Variants in TRPC5 observed in about 807,000 individuals in gnomAD.
TRPC5 encodes the protein short transient receptor potential channel 5.
Under a neutral mutation model 56.5 loss-of-function variants are expected in TRPC5, and 9 were observed. That is an observed-to-expected ratio of 0.16 (90% confidence interval 0.10 to 0.28). The LOEUF (loss-of-function observed/expected upper bound fraction) is 0.28, where lower values mean the gene tolerates loss of function less well. Among genes scored for constraint, TRPC5 ranks in the 10% least tolerant of loss-of-function variants. TRPC5 has a pLI of 1.00. For missense variants in TRPC5, 469 were observed against 748.9 expected (o/e 0.63, Z 4.36); for synonymous variants, 282 against 278.5 (o/e 1.01, Z -0.13).
chrX:111,790,495 A>G (rs968839395), intron 7 of TRPC5, among the ~76,000 whole-genome samples: 1 of 111,484 alleles, frequency 9.0e-6, no homozygotes, highest in Admixed American at 9.5e-5. Context: ...CCAACATGAC[A>G]CATGTATACC....
At chrX:111,885,815 C>T (rs942270104) in intron 3 of TRPC5, among the ~76,000 whole-genome samples, 4 of 111,117 alleles carry the variant, frequency 3.6e-5, no homozygotes, top group Non-Finnish European at 7.5e-5. Context: ...GGGCATCTCC[C>T]CATAATTAAA....
intron 2 of TRPC5, among the ~76,000 whole-genome samples, chrX:111,934,046 G>A (rs1231163066): frequency 1.3e-4 from 14 of 109,888 alleles, no homozygotes; most frequent in Admixed American, 2.9e-4. Context: ...CAGATGTATC[G>A]TTTACAAATA....
intron 1 of TRPC5, among the ~76,000 whole-genome samples, chrX:111,965,165 G>C (rs1287937993): frequency 9.0e-6 from 1 of 110,814 alleles, no homozygotes; most frequent in Non-Finnish European, 1.9e-5. Context: ...AAAAGGCAGG[G>C]GTTGCAATCC....
chrX:112,009,834 C>A lies in TRPC5; in HGVS notation c.-21-57393G>T, dbSNP rs769554770. Among the ~76,000 whole-genome samples, 376 of 109,928 alleles carry A rather than the reference C, an allele frequency of 3.4e-3. 3 individuals carry two copies. The highest frequency in any genetic ancestry group is 0.012 in the African/African-American group (365 of 30,256). ...ACACAGGAAGGGGAGCATCACACAC[C>A]GGGGCCTGTTGTGGGGTGGGTGGAG... is the stretch of plus-strand genomic sequence containing the variant. On this transcript the variant is annotated intron_variant, in intron 1 of 10. Coordinates refer to ENST00000262839, the MANE Select transcript of TRPC5 (RefSeq NM_012471.3).
chrX:111,851,193 T>C (rs1394785705), intron 5 of TRPC5, among the ~76,000 whole-genome samples: 2 of 112,540 alleles, frequency 1.8e-5, no homozygotes, highest in Admixed American at 9.5e-5. Context: ...TTAAAATTTA[T>C]GCAATATGCA....
At chrX:111,890,712 A>T (rs754516101) in intron 3 of TRPC5, among the ~76,000 whole-genome samples, 1 of 112,212 alleles carries the variant, frequency 8.9e-6, no homozygotes. Context: ...AAAATTAAAT[A>T]AAAAATTTTA....
chrX:111,841,008 T>G (rs756360863), intron 6 of TRPC5, among the ~76,000 whole-genome samples: 1 of 111,788 alleles, frequency 8.9e-6, no homozygotes, highest in East Asian at 2.8e-4. Context: ...CCTGTGATAA[T>G]AGCATCAGGA....
At chrX:112,078,070 G>C (rs1051533262) in intron 1 of TRPC5, among the ~76,000 whole-genome samples, 1 of 111,765 alleles carries the variant, frequency 8.9e-6, no homozygotes, top group Non-Finnish European at 1.9e-5. Flanking sequence ...ATTTCTAGAT[G>C]CCTTGCTGTT....
intron 7 of TRPC5, among the ~76,000 whole-genome samples, chrX:111,806,863 T>TTA (rs1457597496): frequency 9.0e-6 from 1 of 111,451 alleles, no homozygotes; most frequent in African/African-American, 3.3e-5. Flanking sequence ...TAAAAGTTTT[T>TTA]TCCTTCAGCA....
At chrX:111,982,192 C>T (rs1928101217) in intron 1 of TRPC5, among the ~76,000 whole-genome samples, 1 of 112,034 alleles carries the variant, frequency 8.9e-6, no homozygotes, top group Non-Finnish European at 1.9e-5. Context: ...ATAAATTACC[C>T]AGTCTCAGGT....
intron 3 of TRPC5, chrX:111,901,779 T>C: frequency 2.3e-6 from 2 of 856,997 alleles, no homozygotes; most frequent in African/African-American, 2.0e-5. Flanking sequence ...CCTTATACTA[T>C]CCATTGTCAC....
chrX:111,921,735 T>C (rs936934064), intron 2 of TRPC5, among the ~76,000 whole-genome samples: 4 of 111,822 alleles, frequency 3.6e-5, no homozygotes, highest in Non-Finnish European at 7.5e-5. Flanking sequence ...ACCAACTCGA[T>C]TGAATTTTAA....
intron 1 of TRPC5, among the ~76,000 whole-genome samples, chrX:112,010,125 C>T (rs150629523): frequency 1.3e-3 from 140 of 111,843 alleles, no homozygotes; most frequent in African/African-American, 4.1e-3. Flanking sequence ...GCTAGGGCAA[C>T]GGAAAGAGGA....
intron 10 of TRPC5, among the ~76,000 whole-genome samples, chrX:111,777,774 C>T (rs1246159264): frequency 3.6e-5 from 4 of 112,433 alleles, no homozygotes; most frequent in African/African-American, 6.5e-5. Flanking sequence ...CTCCCCAACT[C>T]GCCCTTATCT....
At chrX:111,834,303 G>A (rs776696685) in intron 7 of TRPC5, among the ~76,000 whole-genome samples, 1 of 111,751 alleles carries the variant, frequency 8.9e-6, no homozygotes, top group East Asian at 2.8e-4. Flanking sequence ...TTAAAAAATA[G>A]CCACTGGCTG....
chrX:111,858,589 T>C (rs1402994915), intron 3 of TRPC5, among the ~76,000 whole-genome samples: 1 of 111,243 alleles, frequency 9.0e-6, no homozygotes, highest in Non-Finnish European at 1.9e-5. Context: ...GTTGTGCTTA[T>C]CTGGGAGGGA....
intron 2 of TRPC5, among the ~76,000 whole-genome samples, chrX:111,925,976 GTATCCAC>G: frequency 8.9e-6 from 1 of 111,815 alleles, no homozygotes; most frequent in South Asian, 3.8e-4. Flanking sequence ...TCCTTTGTCT[GTATCCAC>G]TAGATGACAG....
intron 1 of TRPC5, among the ~76,000 whole-genome samples, chrX:112,026,768 C>T (rs768243094): frequency 9.1e-6 from 1 of 110,403 alleles, no homozygotes; most frequent in Non-Finnish European, 1.9e-5. Flanking sequence ...TGTGTAGAGT[C>T]CTGGCTGGAT....
At chrX:111,849,498 T>C (rs1274564656) in intron 5 of TRPC5, among the ~76,000 whole-genome samples, 1 of 112,115 alleles carries the variant, frequency 8.9e-6, no homozygotes, top group African/African-American at 3.2e-5. Flanking sequence ...CACAAGGACA[T>C]GGCAGAAGGC....
Sources: allele counts gnomAD v4.1 joint callset (sites outside exome capture counted in the v4.1 genomes callset), GRCh38; gene constraint gnomAD v4.1.1; transcripts MANE v1.5; gene names NCBI Gene and HGNC (gene_info 2026-07-23, HGNC 2026-07-21).